DIP2C: variants seen among roughly 807,000 people sequenced by gnomAD.
DIP2C encodes disco-interacting protein 2 homolog C.
In DIP2C, 33 loss-of-function variants were observed where a neutral mutation model predicts 192.4. The ratio of observed to expected loss-of-function variants is 0.17; its 90% CI spans 0.13 to 0.23. The LOEUF is 0.23. Ranked by LOEUF, DIP2C falls within the 10% of genes least tolerant of loss-of-function variation. DIP2C has a pLI of 1.00. For synonymous variants in DIP2C, 979 were observed against 864.1 expected, an observed-to-expected ratio of 1.13 and a Z score of -2.33; for missense variants, 1,537 against 2,110.1, an observed-to-expected ratio of 0.73 and a Z score of 5.32.
At chr10:446,608 C>T (rs564187125) in intron 3 of DIP2C, among the ~76,000 whole-genome samples, 243 of 152,312 alleles carry the variant, frequency 1.6e-3, no homozygotes, top group Middle Eastern at 3.4e-3. Flanking sequence ...CCAGTGAGTG[C>T]CATGCAGACC....
intron 32 of DIP2C, among the ~76,000 whole-genome samples, chr10:304,169 G>A (rs1398132549): frequency 6.6e-6 from 1 of 152,206 alleles, no homozygotes; most frequent in Non-Finnish European, 1.5e-5. Flanking sequence ...TGCACGTACT[G>A]TGTATGATCC....
chr10:587,097 A>G (rs1353010278), intron 1 of DIP2C, among the ~76,000 whole-genome samples: 712 of 64,482 alleles, frequency 0.011, no homozygotes, highest in Non-Finnish European at 0.013. Flanking sequence ...GACCACCCGG[A>G]TCCCTGCTGA....
intron 1 of DIP2C, among the ~76,000 whole-genome samples, chr10:629,656 G>A (rs1385042922): frequency 4.0e-5 from 6 of 151,044 alleles, no homozygotes; most frequent in Non-Finnish European, 8.9e-5. Flanking sequence ...AATCAGGCCC[G>A]GCCTCACTGC....
At chr10:528,866 G>GCT (rs1401491332) in intron 1 of DIP2C, among the ~76,000 whole-genome samples, 1 of 152,184 alleles carries the variant, frequency 6.6e-6, no homozygotes, top group African/African-American at 2.4e-5. Flanking sequence ...CGACTCAGCA[G>GCT]CTCTCCTCTC....
intron 1 of DIP2C, among the ~76,000 whole-genome samples, chr10:537,332 G>C (rs1257922647): frequency 6.6e-6 from 1 of 152,186 alleles, no homozygotes; most frequent in African/African-American, 2.4e-5. Flanking sequence ...AACAGAGCAA[G>C]TGCACTCTCT....
chr10:368,942 CT>C (rs1177440133), intron 18 of DIP2C, among the ~76,000 whole-genome samples: 1 of 152,258 alleles, frequency 6.6e-6, no homozygotes, highest in East Asian at 1.9e-4. Context: ...TGGGAGGTGC[CT>C]GGGCGCTCCT....
At chr10:576,424 T>C (rs1850162020) in intron 1 of DIP2C, among the ~76,000 whole-genome samples, 1 of 152,222 alleles carries the variant, frequency 6.6e-6, no homozygotes, top group Non-Finnish European at 1.5e-5. Context: ...CAGCAGTAAC[T>C]GCCCACAAGT....
intron 10 of DIP2C, among the ~76,000 whole-genome samples, chr10:393,708 A>G (rs1490393073): frequency 3.5e-5 from 5 of 141,526 alleles, no homozygotes; most frequent in Non-Finnish European, 7.5e-5. Context: ...GAACCCGGGA[A>G]GCGGAGGTTG....
intron 2 of DIP2C, among the ~76,000 whole-genome samples, chr10:475,487 C>A (rs944021547): frequency 6.6e-6 from 1 of 152,136 alleles, no homozygotes; most frequent in African/African-American, 2.4e-5. Flanking sequence ...ACCTCCAACC[C>A]TAACCTCCTC....
intron 1 of DIP2C, among the ~76,000 whole-genome samples, chr10:574,783 A>G (rs1850049444): frequency 1.3e-5 from 2 of 152,234 alleles, no homozygotes; most frequent in African/African-American, 4.8e-5. Context: ...TCAATGTGCT[A>G]TGATACTAGA....
At chr10:466,442 G>A (rs568297563) in intron 3 of DIP2C, among the ~76,000 whole-genome samples, 3,338 of 138,634 alleles carry the variant, frequency 0.024, 168 homozygotes, top group African/African-American at 0.084. Flanking sequence ...AACCCTAGAA[G>A]AAAACCTAGG....
chr10:571,889 T>TA (rs1361560213), intron 1 of DIP2C, among the ~76,000 whole-genome samples: 1 of 152,248 alleles, frequency 6.6e-6, no homozygotes, highest in East Asian at 1.9e-4. Context: ...GCTCATAATG[T>TA]AAGCAGTTCA....
At position 345,512 on chromosome 10, in the gene DIP2C, CAAACACCCATCCCAGA is replaced by C. The variant is rs1564590155; in HGVS notation, c.3232-418_3232-403del. Among the ~76,000 whole-genome samples the C allele has an allele frequency of 2.2e-3, 139 of 64,626 alleles. 1 individual carries two copies. Among genetic ancestry groups the C allele is most frequent in the African/African-American group, 7.1e-3 (131 of 18,520 alleles). 42.4% of individuals were successfully genotyped at this position (64,626 alleles called of 152,430 possible). A position where few individuals can be genotyped will look rare whatever the true frequency, so the allele number is the denominator to read the frequency against. On this transcript the variant is annotated intron_variant, in intron 26 of 36. Transcript: ENST00000280886. Reference sequence around the variant, plus strand: ...GCGCACAGTTCTCCCGGAAACCCCACAAACACCCATCCCAGACACACCGCGCATAGTTCTCCCGGAA... The same window carrying C: ...GCGCACAGTTCTCCCGGAAACCCCACCACACCGCGCATAGTTCTCCCGGAA...
chr10:512,058 T>C (rs891858455), intron 1 of DIP2C, among the ~76,000 whole-genome samples: 2 of 152,148 alleles, frequency 1.3e-5, no homozygotes, highest in African/African-American at 4.8e-5. Context: ...AGACGGCCGT[T>C]CCCAGTGCCT....
chr10:522,872 T>A (rs1438656748), intron 1 of DIP2C, among the ~76,000 whole-genome samples: 1 of 152,140 alleles, frequency 6.6e-6, no homozygotes, highest in African/African-American at 2.4e-5. Flanking sequence ...GGAGTGAGGA[T>A]ACAGGGACTC....
intron 3 of DIP2C, among the ~76,000 whole-genome samples, chr10:461,282 G>A (rs1969752371): frequency 6.6e-6 from 1 of 152,214 alleles, no homozygotes; most frequent in East Asian, 1.9e-4. Flanking sequence ...AGACCCGTTG[G>A]TGTGCTGTAT....
At chr10:382,821 C>A in intron 16 of DIP2C, 60 bp from the exon 17 acceptor site, 1 of 1,267,916 alleles carries the variant, frequency 7.9e-7, no homozygotes, top group Non-Finnish European at 1.1e-6. Context: ...TTACAAAATC[C>A]CACCATAGAA....
intron 6 of DIP2C, among the ~76,000 whole-genome samples, chr10:416,933 T>C (rs898944156): frequency 5.3e-5 from 8 of 152,186 alleles, no homozygotes; most frequent in Admixed American, 1.3e-4. Flanking sequence ...AAAAACAGAC[T>C]TCAACATTTG....
chr10:603,768 ACCT>A (rs1852264525), intron 1 of DIP2C, among the ~76,000 whole-genome samples: 1 of 152,094 alleles, frequency 6.6e-6, no homozygotes, highest in Non-Finnish European at 1.5e-5. Flanking sequence ...ACACACGCAG[ACCT>A]CCTCTCACAG....
Sources: allele counts gnomAD v4.1 joint callset (sites outside exome capture counted in the v4.1 genomes callset), GRCh38; gene constraint gnomAD v4.1.1; transcripts MANE v1.5; gene names NCBI Gene and HGNC (gene_info 2026-07-23, HGNC 2026-07-21).